The following NEIL1 variants were observed in gnomAD, a reference collection of about 807,000 sequenced individuals.
NEIL1 encodes nei like DNA glycosylase 1.
Under a neutral mutation model 44.2 loss-of-function variants are expected in NEIL1, and 31 were observed. That is an observed-to-expected ratio of 0.70 (90% CI 0.53 to 0.95). The LOEUF (loss-of-function observed/expected upper bound fraction) is 0.95, where lower values mean the gene tolerates loss of function less well. NEIL1 is among the 40% of genes least tolerant of loss of function. The pLI, the probability that NEIL1 is intolerant of heterozygous loss-of-function variation, is 0.00. For missense variants in NEIL1, 549 were observed against 515.5 expected (o/e 1.07, Z -0.63); for synonymous variants, 254 against 209.7 (o/e 1.21, Z -1.83).
At chr15:75,350,497 G>A (rs2071804980) in intron 2 of NEIL1, among the ~76,000 whole-genome samples, 1 of 152,150 alleles carries the variant, frequency 6.6e-6, no homozygotes. Context: ...CCAGAGGAAG[G>A]CATTGGAACT....
At chr15:75,348,295 C>T (rs1158217453) in intron 1 of NEIL1, 3 of 984,040 alleles carry the variant, frequency 3.0e-6, no homozygotes, top group African/African-American at 1.7e-5. Context: ...GCTCCCGCCG[C>T]TCCCCCGCGC....
At position 75,356,647 on chromosome 15, in the gene NEIL1, G is replaced by A. The variant is rs779310828; in HGVS notation, c.*1613G>A. The A allele has an allele frequency of 1.0e-5, 16 of 1,576,056 alleles. No homozygotes were observed. Among genetic ancestry groups the A allele is most frequent in the East Asian group, 2.3e-5 (1 of 42,812 alleles). ...TGCATAGGTGAACTCGTGGCGCCCCGTGTCAGCAGTAGCGTCCGGGGCTTT... is the reference window on the plus strand; with the variant it reads ...TGCATAGGTGAACTCGTGGCGCCCCATGTCAGCAGTAGCGTCCGGGGCTTT... On this transcript the variant is annotated 3_prime_UTR_variant, in exon 10 of 10. Transcript: ENST00000355059. The surrounding 1 kb of genome is among the most constrained non-coding windows in gnomAD (Gnocchi z 5.8).
chr15:75,352,438 T>G, intron 4 of NEIL1, 51 bp downstream of exon 4: 1 of 1,606,770 alleles, frequency 6.2e-7, no homozygotes, highest in South Asian at 1.1e-5. Context: ...GGTGTCCACA[T>G]GGGCCGGCAA....
Position 75,356,783 on chromosome 15 carries a change from C to A in NEIL1, c.*1749C>A. 1.2e-6 allele frequency: 2 copies of A among 1,613,794 alleles called. No individual in the cohort carries two copies. Among genetic ancestry groups the A allele is most frequent in the East Asian group, 2.2e-5 (1 of 44,872 alleles). On this transcript the variant is annotated 3_prime_UTR_variant, in exon 10 of 10. Transcript: ENST00000355059. This position sits in a 1 kb window ranked among gnomAD's most constrained non-coding sequence, Gnocchi z 5.8. The stretch of plus-strand genomic sequence containing the variant: ...TGCCAGCTCCCAGGCCTGGTGGGTA[C>A]CCCACTTACAGCGAGAGGCTGAGGA...
In NEIL1 at chr15:75,355,912, T is replaced by C; in HGVS notation, c.*878T>C. On this transcript the variant is annotated 3_prime_UTR_variant, in exon 10 of 10. Transcript: ENST00000355059. ...AAACCCCAGCCCCAGGGACTCAGTG[T>C]GGCGGAGGCTGAAGCACGAGCAACA... The C allele has an allele frequency of 6.2e-7, 1 of 1,614,116 alleles. No individual in the cohort carries two copies. The highest frequency in any genetic ancestry group is 8.5e-7 in the Non-Finnish European group (1 of 1,180,024).
Position 75,349,266 on chromosome 15 carries a change from G to A in NEIL1, c.361G>A (p.Gly121Ser), listed in dbSNP as rs751184713. ...ALCFVDIRRFGRWDLGGKWQP... is the reference protein window; with the variant it reads ...ALCFVDIRRFSRWDLGGKWQP... ...ATGTTTCGTGGACATCCGCCGGTTC[G>A]GCCGCTGGGACCTTGGGGGAAAGTG... The change falls in exon 2 of 10, where the codon GGC (glycine) becomes AGC (serine). Residue 121 changes from glycine to serine, a missense_variant. Gly to Ser is a moderately conservative substitution (Grantham distance 56, BLOSUM62 0). Coordinates refer to ENST00000355059, the MANE Select transcript of NEIL1 (RefSeq NM_024608.4). 28 of 1,611,504 alleles carry A rather than the reference G, an allele frequency of 1.7e-5. No homozygotes were observed. Among genetic ancestry groups the A allele is most frequent in the South Asian group, 1.1e-5 (1 of 91,038 alleles).
intron 2 of NEIL1, among the ~76,000 whole-genome samples, chr15:75,350,235 T>G (rs764638004): frequency 2.0e-5 from 3 of 152,178 alleles, no homozygotes; most frequent in Non-Finnish European, 4.4e-5. Flanking sequence ...AGAGGAAACG[T>G]GTATGAGTCT....
Position 75,355,948 on chromosome 15 carries a change from T to C in NEIL1, c.*914T>C. The C allele has an allele frequency of 4.3e-6, 7 of 1,614,014 alleles. No individual in the cohort carries two copies. Among genetic ancestry groups the C allele is most frequent in the South Asian group, 3.3e-5 (3 of 91,070 alleles). On this transcript the variant is annotated 3_prime_UTR_variant, in exon 10 of 10. Transcript: ENST00000355059. ...GAAGCACGAGCAACAGGGACAGCACTTGGAAGGGAGAAAAGGTGAGCTTCA... is the reference window on the plus strand; with the variant it reads ...GAAGCACGAGCAACAGGGACAGCACCTGGAAGGGAGAAAAGGTGAGCTTCA...
intron 2 of NEIL1, chr15:75,351,383 C>G (rs1348276767): frequency 2.5e-6 from 1 of 393,320 alleles, no homozygotes; most frequent in Non-Finnish European, 4.9e-6. Flanking sequence ...TCAGGTGATT[C>G]TCTCACCTCA....
At chr15:75,350,825 C>T (rs1212538788) in intron 2 of NEIL1, among the ~76,000 whole-genome samples, 1 of 152,168 alleles carries the variant, frequency 6.6e-6, no homozygotes, top group Non-Finnish European at 1.5e-5. Flanking sequence ...TTCTTAGTCC[C>T]CCAGCTGGGG....
chr15:75,348,509 G>T, intron 1 of NEIL1: 1 of 1,104,078 alleles, frequency 9.1e-7, no homozygotes, highest in Admixed American at 4.5e-5. Flanking sequence ...CAAGTGTCTG[G>T]GACAGAGGGA....
At chr15:75,348,373 G>C in intron 1 of NEIL1, 1 of 984,226 alleles carries the variant, frequency 1.0e-6, no homozygotes, top group Non-Finnish European at 1.2e-6. Context: ...AGTGTGGGGG[G>C]AGGGGGGCGC....
chr15:75,351,352 TGCA>T (rs1240966889), intron 2 of NEIL1: 2 of 431,874 alleles, frequency 4.6e-6, no homozygotes, highest in African/African-American at 2.1e-5. Context: ...CACAGCTCAT[TGCA>T]GCCTTAACCT....
chr15:75,352,599 C>T lies in NEIL1; in HGVS notation c.619-3C>T. 6.2e-7 allele frequency: 1 copy of T among 1,612,408 alleles called. No homozygotes were observed. The highest frequency in any genetic ancestry group is 8.5e-7 in the Non-Finnish European group (1 of 1,179,242). ...ACAGGTCCTGCCCCTGCCCCTTCCT[C>T]AGAGCCCGGAGCTGACCCTGAGCCA... On this transcript the variant is annotated splice_polypyrimidine_tract_variant and splice_region_variant and intron_variant, in intron 4 of 9. Transcript: ENST00000355059.
chr15:75,348,414 C>T (rs1198500202), intron 1 of NEIL1: 22 of 1,006,864 alleles, frequency 2.2e-5, no homozygotes, highest in Non-Finnish European at 2.4e-5. Context: ...TCCTAAGACC[C>T]TTTCAGATGG....
chr15:75,356,093 C>A lies in NEIL1; in HGVS notation c.*1059C>A. ...GGCGAGACTCGACCCCCGCCCCAATCCCACACCGCCACTCACAGGATGGCC... is the reference window on the plus strand; with the variant it reads ...GGCGAGACTCGACCCCCGCCCCAATACCACACCGCCACTCACAGGATGGCC... On this transcript the variant is annotated 3_prime_UTR_variant, in exon 10 of 10. Transcript: ENST00000355059. This position sits in a 1 kb window ranked among gnomAD's most constrained non-coding sequence, Gnocchi z 5.8. 1 of 1,613,792 alleles carries A rather than the reference C, an allele frequency of 6.2e-7. No individual in the cohort carries two copies. Among genetic ancestry groups the A allele is most frequent in the African/African-American group, 1.3e-5 (1 of 75,072 alleles).
At chr15:75,347,806 C>G (rs1246099444) in intron 1 of NEIL1, 2 of 1,136,986 alleles carry the variant, frequency 1.8e-6, no homozygotes, top group South Asian at 3.3e-5. Flanking sequence ...GAGGACGGGC[C>G]CGAGAGCGCC....
In NEIL1 at chr15:75,348,912, G is replaced by GA. The variant is rs1595852025; in HGVS notation, c.8dup (p.Glu6ArgfsTer11). The GA allele has an allele frequency of 6.2e-7, 1 of 1,611,278 alleles. No homozygotes were observed. Among genetic ancestry groups the GA allele is most frequent in the Non-Finnish European group, 8.5e-7 (1 of 1,179,692 alleles). ...TCTGCCACCCTCCCTCAGGATGCCT[G>GA]AGGGCCCCGAGCTGCACCTGGCCAG... is the stretch of plus-strand genomic sequence containing the variant. On this transcript the variant is annotated frameshift_variant, in exon 2 of 10. Transcript: ENST00000355059. LOFTEE classifies it high-confidence loss of function.
intron 2 of NEIL1, among the ~76,000 whole-genome samples, chr15:75,350,500 T>C (rs567355267): frequency 1.4e-4 from 21 of 152,234 alleles, no homozygotes; most frequent in Admixed American, 9.8e-4. Context: ...GAGGAAGGCA[T>C]TGGAACTGGC....
Sources: gnomAD v4.1 joint callset for allele counts (sites outside exome capture counted in the v4.1 genomes callset) on GRCh38, gnomAD v4.1.1 for gene constraint, Gnocchi (gnomAD v3.1) non-coding constraint, MANE v1.5 for transcripts, NCBI Gene and HGNC (gene_info 2026-07-23, HGNC 2026-07-21) for gene names.